GRID2: variants seen among roughly 807,000 people sequenced by gnomAD.
GRID2 encodes the protein glutamate ionotropic receptor delta type subunit 2.
GRID2 carries 33 observed loss-of-function variants against 114.8 expected under a neutral mutation model. That is an observed-to-expected ratio of 0.29 (90% CI 0.22 to 0.38). The LOEUF (loss-of-function observed/expected upper bound fraction) is 0.38, where lower values mean the gene tolerates loss of function less well. GRID2 is among the 10% of genes least tolerant of loss of function. GRID2 has a pLI of 1.00. For synonymous variants in GRID2, 505 were observed against 449.9 expected (o/e 1.12, Z -1.55); for missense variants, 1,184 against 1,257.7 (o/e 0.94, Z 0.89).
intron 7 of GRID2, among the ~76,000 whole-genome samples, chr4:93,227,626 A>AT (rs1745647995): frequency 6.6e-6 from 1 of 152,036 alleles, no homozygotes; most frequent in African/African-American, 2.4e-5. Context: ...TAAGTCGTTT[A>AT]TTTTTCTCAC....
chr4:93,450,238 T>G (rs1347090983), intron 10 of GRID2, among the ~76,000 whole-genome samples: 2 of 151,838 alleles, frequency 1.3e-5, no homozygotes, highest in Non-Finnish European at 2.9e-5. Context: ...TCTATTTAGA[T>G]TGATAACATA....
chr4:93,349,083 A>T (rs1435918268), intron 8 of GRID2, among the ~76,000 whole-genome samples: 4 of 152,134 alleles, frequency 2.6e-5, no homozygotes, highest in African/African-American at 9.6e-5. Context: ...GGCGAGAAAG[A>T]ACTATCAGAG....
chr4:93,671,446 T>C (rs994005472), intron 14 of GRID2, among the ~76,000 whole-genome samples: 1 of 151,852 alleles, frequency 6.6e-6, no homozygotes, highest in Non-Finnish European at 1.5e-5. Flanking sequence ...CCAGGTACAA[T>C]GGAAGGGATC....
chr4:93,006,171 A>G (rs1721502580), intron 2 of GRID2, among the ~76,000 whole-genome samples: 1 of 152,076 alleles, frequency 6.6e-6, no homozygotes, highest in African/African-American at 2.4e-5. Flanking sequence ...ACCCACAAAA[A>G]CATTTTTAGC....
At chr4:93,322,552 G>A (rs890079038) in intron 8 of GRID2, among the ~76,000 whole-genome samples, 4 of 152,240 alleles carry the variant, frequency 2.6e-5, no homozygotes, top group African/African-American at 9.6e-5. Context: ...AATCCTTTGG[G>A]TATATACCCA....
At chr4:93,101,040 T>C (rs902036067) in intron 3 of GRID2, among the ~76,000 whole-genome samples, 1 of 152,038 alleles carries the variant, frequency 6.6e-6, no homozygotes, top group African/African-American at 2.4e-5. Flanking sequence ...AAGAACTGTT[T>C]TTTGTTTTGC....
At chr4:93,024,611 G>T (rs1723711041) in intron 2 of GRID2, among the ~76,000 whole-genome samples, 2 of 151,590 alleles carry the variant, frequency 1.3e-5, no homozygotes, top group African/African-American at 2.4e-5. Context: ...TATTTTAAAG[G>T]TTACATTAGT....
chr4:92,431,407 G>A (rs564941280), intron 1 of GRID2, among the ~76,000 whole-genome samples: 2 of 151,910 alleles, frequency 1.3e-5, no homozygotes, highest in Non-Finnish European at 1.5e-5. Flanking sequence ...GTATCACATC[G>A]ATTTGCAAAT....
In GRID2 at chr4:93,125,251, A is replaced by G. The variant is rs918083157; in HGVS notation, c.735+14298A>G. ...TGAGATCCTCCTTATAAAGTTAAATATAAATGTACCCATGTCTATGCAAAG... is the reference window on the plus strand; with the variant it reads ...TGAGATCCTCCTTATAAAGTTAAATGTAAATGTACCCATGTCTATGCAAAG... On this transcript the variant is annotated intron_variant, in intron 4 of 15. Transcript: ENST00000282020. Among the ~76,000 whole-genome samples the G allele has an allele frequency of 2.0e-5, 3 of 152,044 alleles. No individual in the cohort carries two copies. The South Asian group carries it at 6.2e-4, about 31-fold the overall frequency.
At chr4:93,077,694 C>T (rs1160460348) in intron 2 of GRID2, among the ~76,000 whole-genome samples, 1 of 152,134 alleles carries the variant, frequency 6.6e-6, no homozygotes, top group Non-Finnish European at 1.5e-5. Flanking sequence ...ACATTCTGCA[C>T]TCACCGAGTT....
At chr4:93,396,739 A>G (rs1765369658) in intron 9 of GRID2, among the ~76,000 whole-genome samples, 1 of 151,974 alleles carries the variant, frequency 6.6e-6, no homozygotes, top group South Asian at 2.1e-4. Flanking sequence ...TATACATTAT[A>G]GTTTTCTTTC....
chr4:93,257,458 C>A (rs1429332084), intron 8 of GRID2, among the ~76,000 whole-genome samples: 1 of 151,568 alleles, frequency 6.6e-6, no homozygotes, highest in South Asian at 2.1e-4. Context: ...AAAGAAATGG[C>A]ATAATTTAAG....
chr4:93,676,985 C>T (rs1340869262), intron 14 of GRID2, among the ~76,000 whole-genome samples: 2 of 151,878 alleles, frequency 1.3e-5, no homozygotes, highest in African/African-American at 4.8e-5. Flanking sequence ...CATTGCCTCA[C>T]TCGGGAAGCG....
intron 9 of GRID2, among the ~76,000 whole-genome samples, chr4:93,417,601 A>T (rs1767849192): frequency 1.3e-5 from 2 of 151,974 alleles, no homozygotes; most frequent in Non-Finnish European, 2.9e-5. Flanking sequence ...CCACCCAGAG[A>T]TAATCACTTC....
chr4:93,515,104 A>G (rs1302973097), intron 12 of GRID2, 112 bp from the exon 13 acceptor site: 4 of 455,438 alleles, frequency 8.8e-6, no homozygotes, highest in Non-Finnish European at 1.2e-5. Context: ...AAGAAAAGCA[A>G]TTTGATATAT....
intron 5 of GRID2, among the ~76,000 whole-genome samples, chr4:93,212,518 A>G (rs1222658096): frequency 6.6e-6 from 1 of 152,122 alleles, no homozygotes; most frequent in Non-Finnish European, 1.5e-5. Context: ...AGGGCCCTGA[A>G]GCAGATGGCT....
intron 2 of GRID2, among the ~76,000 whole-genome samples, chr4:92,943,257 C>A (rs980578935): frequency 4.6e-5 from 7 of 152,254 alleles, no homozygotes; most frequent in Middle Eastern, 6.8e-3. Flanking sequence ...TTCTTGGGGG[C>A]TTTGTTCTTT....
intron 2 of GRID2, among the ~76,000 whole-genome samples, chr4:92,833,467 C>A (rs1349610407): frequency 6.6e-6 from 1 of 152,142 alleles, no homozygotes; most frequent in African/African-American, 2.4e-5. Flanking sequence ...TCATGTTGCC[C>A]TATAGCTCAG....
At chr4:92,723,755 G>C (rs1223274167) in intron 2 of GRID2, among the ~76,000 whole-genome samples, 1 of 152,140 alleles carries the variant, frequency 6.6e-6, no homozygotes, top group Non-Finnish European at 1.5e-5. Context: ...AAATAGGAGA[G>C]ATGGCTCAAA....
Sources: gnomAD v4.1 joint callset for allele counts (sites outside exome capture counted in the v4.1 genomes callset) on GRCh38, gnomAD v4.1.1 for gene constraint, MANE v1.5 for transcripts, NCBI Gene and HGNC (gene_info 2026-07-23, HGNC 2026-07-21) for gene names.